Variants in WDHD1 observed in about 807,000 individuals in gnomAD.
WDHD1 encodes the protein WD repeat and HMG-box DNA binding protein 1.
In WDHD1, 111 loss-of-function variants were observed where a neutral mutation model predicts 135.4. The ratio of observed to expected loss-of-function variants is 0.82; its 90% CI spans 0.70 to 0.96. The LOEUF is 0.96. Among genes scored for constraint, WDHD1 ranks in the 40% least tolerant of loss-of-function variants. The probability of loss-of-function intolerance (pLI) is 0.00; values close to 1 mark genes in which losing one functional copy is unlikely to be tolerated. For missense variants in WDHD1, 1,351 were observed against 1,336.3 expected (o/e 1.01, Z -0.17); for synonymous variants, 434 against 439.0 (o/e 0.99, Z 0.14).
At chr14:55,015,234 C>T (rs926650452) in intron 2 of WDHD1, among the ~76,000 whole-genome samples, 2 of 151,888 alleles carry the variant, frequency 1.3e-5, no homozygotes, top group Non-Finnish European at 2.9e-5. Context: ...AAAATACAAA[C>T]ATTAGTCAGA....
At chr14:54,986,088 CAT>C (rs1220654427) in intron 14 of WDHD1, among the ~76,000 whole-genome samples, 1 of 152,164 alleles carries the variant, frequency 6.6e-6, no homozygotes, top group Non-Finnish European at 1.5e-5. Flanking sequence ...ACTTAAAAGT[CAT>C]AGACACTGAG....
At chr14:54,971,800 G>A (rs2041438494) in intron 16 of WDHD1, among the ~76,000 whole-genome samples, 1 of 147,808 alleles carries the variant, frequency 6.8e-6, no homozygotes, top group South Asian at 2.1e-4. Context: ...CTGATATCCA[G>A]AGTCTATAAG....
intron 10 of WDHD1, among the ~76,000 whole-genome samples, chr14:54,998,953 A>G (rs2041935679): frequency 6.6e-6 from 1 of 152,186 alleles, no homozygotes; most frequent in Non-Finnish European, 1.5e-5. Flanking sequence ...AATCCTCCCA[A>G]TAACCCCAAG....
intron 21 of WDHD1, among the ~76,000 whole-genome samples, chr14:54,959,441 GAGGCAGGCAGGCAGGC>G (rs560707275): frequency 6.9e-6 from 1 of 145,724 alleles, no homozygotes; most frequent in Non-Finnish European, 1.5e-5. Flanking sequence ...GGGAGGGAGG[GAGGCAGGCAGGCAGGC>G]AGGCAGGCAG....
At chr14:54,969,597 G>A (rs1225136279) in intron 16 of WDHD1, among the ~76,000 whole-genome samples, 1 of 151,964 alleles carries the variant, frequency 6.6e-6, no homozygotes, top group African/African-American at 2.4e-5. Context: ...ACCAAAAAAA[G>A]CCCTGGACCA....
At chr14:54,991,080 CTG>C (rs2041777532) in intron 12 of WDHD1, 131 bp downstream of exon 12, 1 of 528,518 alleles carries the variant, frequency 1.9e-6, no homozygotes, top group Non-Finnish European at 3.4e-6. Flanking sequence ...AACCACAAAA[CTG>C]TAATCAACCA....
In WDHD1 at chr14:55,010,361, C is replaced by T. The variant is rs1404682704; in HGVS notation, c.289G>A (p.Ala97Thr). 21 of 1,613,062 alleles carry T rather than the reference C, an allele frequency of 1.3e-5. No homozygotes were observed. The highest frequency in any genetic ancestry group is 2.2e-5 in the East Asian group (1 of 44,820). ...DGILTRFTTNANHVVFNGDGT... is the reference protein window; with the variant it reads ...DGILTRFTTNTNHVVFNGDGT... ...TCCCCATTAAAGACCACATGGTTTGCATTTGTAGTGAAGCGAGTCAATATA... is the reference window on the plus strand; with the variant it reads ...TCCCCATTAAAGACCACATGGTTTGTATTTGTAGTGAAGCGAGTCAATATA... The change falls in exon 4 of 26, where the codon GCA becomes ACA. Residue 97 changes from alanine to threonine, a missense_variant. By Grantham distance (58) the Ala-to-Thr change is moderately conservative. Around this residue, in one of 2 missense-constraint regions of WDHD1, gnomAD observed 1,330 missense variants for 1,296.1 expected, o/e 1.03. Transcript: ENST00000360586.
intron 10 of WDHD1, among the ~76,000 whole-genome samples, chr14:54,999,735 A>G (rs527587193): frequency 6.6e-6 from 1 of 152,180 alleles, no homozygotes; most frequent in South Asian, 2.1e-4. Flanking sequence ...TAGGAGCATG[A>G]AACTACAGGC....
Position 55,010,308 on chromosome 14 carries a change from C to T in WDHD1, c.341+1G>A. On this transcript the variant is annotated splice_donor_variant, in intron 4 of 25. Coordinates refer to ENST00000360586, the MANE Select transcript of WDHD1 (RefSeq NM_007086.4). LOFTEE classifies it high-confidence loss of function. The stretch of plus-strand genomic sequence containing the variant: ...CCTTTTCTGATGTCAAAGAGCCTTA[C>T]CTAGATCCAGCAGCAATTTTAGTAC... The T allele has an allele frequency of 6.3e-7, 1 of 1,596,746 alleles. No homozygotes were observed. Among genetic ancestry groups the T allele is most frequent in the Non-Finnish European group, 8.5e-7 (1 of 1,173,580 alleles).
chr14:54,966,360 A>C (rs1386522010), intron 18 of WDHD1, 115 bp downstream of exon 18: 1 of 1,317,056 alleles, frequency 7.6e-7, no homozygotes, highest in Non-Finnish European at 1.0e-6. Context: ...AACAACAAAA[A>C]AAAACTTAAG....
intron 7 of WDHD1, chr14:55,004,922 C>T (rs2042039608): frequency 5.7e-6 from 3 of 529,554 alleles, no homozygotes; most frequent in African/African-American, 3.8e-5. Context: ...GAGGGAACTG[C>T]TAAATAGGCA....
chr14:55,014,469 C>T (rs1285881838), intron 2 of WDHD1, among the ~76,000 whole-genome samples: 1 of 152,154 alleles, frequency 6.6e-6, no homozygotes, highest in African/African-American at 2.4e-5. Context: ...CCGTATCTTC[C>T]TTGTCCACCA....
Position 55,010,349 on chromosome 14 carries a change from C to T in WDHD1, c.301G>A (p.Val101Ile). 24 of 1,611,920 alleles carry T rather than the reference C, an allele frequency of 1.5e-5. No individual in the cohort carries two copies. The highest frequency in any genetic ancestry group is 2.0e-5 in the Non-Finnish European group (24 of 1,179,272). The change falls in exon 4 of 26, where the codon GTC becomes ATC. Residue 101 changes from valine to isoleucine, a missense_variant. By Grantham distance (29) the Val-to-Ile change is conservative. This residue lies in a region of WDHD1 where 1,330 missense variants were observed against 1,296.1 expected (regional missense o/e 1.03). Coordinates refer to ENST00000360586, the MANE Select transcript of WDHD1 (RefSeq NM_007086.4). Reference protein sequence around the residue: ...TRFTTNANHVVFNGDGTKIAA... With the variant: ...TRFTTNANHVIFNGDGTKIAA... ...ATTTTAGTACCATCCCCATTAAAGA[C>T]CACATGGTTTGCATTTGTAGTGAAG...
At chr14:54,976,645 A>G (rs749120527) in intron 16 of WDHD1, among the ~76,000 whole-genome samples, 2 of 152,206 alleles carry the variant, frequency 1.3e-5, no homozygotes, top group Non-Finnish European at 2.9e-5. Flanking sequence ...ATATGCCAAC[A>G]TGTTAAGCAA....
At chr14:54,986,593 GC>G (rs1157631643) in intron 14 of WDHD1, among the ~76,000 whole-genome samples, 2 of 152,080 alleles carry the variant, frequency 1.3e-5, no homozygotes, top group Admixed American at 6.5e-5. Context: ...AAAAGATAGA[GC>G]CAACAAAAAA....
chr14:54,945,700 C>T (rs1046982970), intron 24 of WDHD1, among the ~76,000 whole-genome samples: 1 of 152,096 alleles, frequency 6.6e-6, no homozygotes, highest in Admixed American at 6.6e-5. Context: ...GCCACCACAC[C>T]CAGCTAATTT....
chr14:54,948,454 C>T (rs1446147074), intron 24 of WDHD1, among the ~76,000 whole-genome samples: 1 of 152,164 alleles, frequency 6.6e-6, no homozygotes, highest in Non-Finnish European at 1.5e-5. Context: ...TCACTCATTG[C>T]TAGCACAGCA....
intron 24 of WDHD1, among the ~76,000 whole-genome samples, chr14:54,951,920 G>T (rs976588855): frequency 1.3e-5 from 2 of 152,136 alleles, no homozygotes; most frequent in Admixed American, 6.6e-5. Flanking sequence ...TGCAGAAAAG[G>T]CCTGTGACAA....
chr14:54,940,355 A>C lies in WDHD1; in HGVS notation c.*1135T>G, dbSNP rs535820518. 3.7e-4 allele frequency: 56 copies of C among 152,354 alleles called. No homozygotes were observed. Among genetic ancestry groups the C allele is most frequent in the African/African-American group, 1.3e-3 (54 of 41,582 alleles). 9.4% of individuals were successfully genotyped at this position (152,354 alleles called of 1,614,324 possible). On this transcript the variant is annotated 3_prime_UTR_variant, in exon 26 of 26. Coordinates refer to ENST00000360586, the MANE Select transcript of WDHD1 (RefSeq NM_007086.4). ...TCTGATAGCAGCTACTAATTAAAAA[A>C]TAAAAAATGTATGTTTTCCTAACTT...
Sources: gnomAD v4.1 joint callset for allele counts (sites outside exome capture counted in the v4.1 genomes callset) on GRCh38, gnomAD v4.1.1 for gene constraint, gnomAD v4.1.1 regional missense constraint, MANE v1.5 for transcripts, NCBI Gene and HGNC (gene_info 2026-07-23, HGNC 2026-07-21) for gene names.